Variants in ADAP1 observed in about 807,000 individuals in gnomAD.
The protein encoded by ADAP1 is ArfGAP with dual PH domains 1.
In ADAP1, 31 loss-of-function variants were observed where a neutral mutation model predicts 54.9. The ratio of observed to expected loss-of-function variants is 0.56; its 90% CI spans 0.42 to 0.76. The LOEUF (loss-of-function observed/expected upper bound fraction) is 0.76. Among genes scored for constraint, ADAP1 ranks in the 30% least tolerant of loss-of-function variants. The probability of loss-of-function intolerance (pLI) is 0.00; values close to 1 mark genes in which losing one functional copy is unlikely to be tolerated. For synonymous variants in ADAP1, 313 were observed against 202.6 expected (o/e 1.55, Z -4.63); for missense variants, 535 against 512.4 (o/e 1.04, Z -0.42).
In ADAP1 at chr7:905,094, C is replaced by T. The variant is rs761464767; in HGVS notation, c.467G>A (p.Arg156Gln). 5.2e-5 allele frequency: 84 copies of T among 1,612,192 alleles called. No homozygotes were observed. The highest frequency in any genetic ancestry group is 3.3e-4 in the Middle Eastern group (2 of 6,082). Reference protein sequence around the residue: ...FLSRKFVLTEREGALKYFNRN... With the variant: ...FLSRKFVLTEQEGALKYFNRN... The stretch of plus-strand genomic sequence containing the variant: ...GTTGAAATACTTCAGAGCACCCTCT[C>T]GTTCTGTCAGCACAAACTTCCGGCT... Residue 156 changes from arginine (R) to glutamine (Q), a missense_variant, in exon 5 of 11, where the codon CGA (arginine) becomes CAA (glutamine). By Grantham distance (43) the Arg-to-Gln change is conservative. Transcript: ENST00000265846.
rs896913023 is a variant in ADAP1, at chr7:898,466, G to A, written c.*455C>T. 8 of 244,398 alleles carry A rather than the reference G, an allele frequency of 3.3e-5. No homozygotes were observed. The highest frequency in any genetic ancestry group is 3.0e-4 in the East Asian group (3 of 9,996). 15.1% of individuals were successfully genotyped at this position (244,398 alleles called of 1,614,324 possible). ...CACAACAGGCGCTCAATAAATAGTC[G>A]TGGAGGTGGGGGGAGGGCGGGGCGG... On this transcript the variant is annotated 3_prime_UTR_variant, in exon 11 of 11. Coordinates refer to ENST00000265846, the MANE Select transcript of ADAP1 (RefSeq NM_006869.4).
chr7:954,501 G>C lies in ADAP1; in HGVS notation c.-24C>G. The C allele has an allele frequency of 9.9e-7, 1 of 1,014,720 alleles. No homozygotes were observed. Among genetic ancestry groups the C allele is most frequent in the Non-Finnish European group, 1.2e-6 (1 of 851,308 alleles). 62.9% of individuals were successfully genotyped at this position (1,014,720 alleles called of 1,614,324 possible). A position where few individuals can be genotyped will look rare whatever the true frequency, so the allele number is the denominator to read the frequency against. ...ATGGCCGCGATGCGCCCGCGATGCC[G>C]ATGCCGGGGCCGGGGCCGGGAGCGT... On this transcript the variant is annotated 5_prime_UTR_variant, in exon 1 of 11. It adds an upstream start codon to the 5' untranslated region. Coordinates refer to ENST00000265846, the MANE Select transcript of ADAP1 (RefSeq NM_006869.4).
At chr7:905,276 G>GA in intron 4 of ADAP1, 104 bp from the exon 5 acceptor site, 1 of 417,218 alleles carries the variant, frequency 2.4e-6, no homozygotes, top group Non-Finnish European at 3.9e-6. Flanking sequence ...AAGACACGGG[G>GA]GACACGGACG....
intron 4 of ADAP1, among the ~76,000 whole-genome samples, chr7:914,185 C>T (rs1384011481): frequency 1.3e-5 from 2 of 152,232 alleles, no homozygotes; most frequent in African/African-American, 4.8e-5. Flanking sequence ...CCAGGGCAGA[C>T]CTGCAGCCAC....
At chr7:903,955 G>C (rs1055352771) in intron 6 of ADAP1, 171 bp downstream of exon 6, 1 of 836,318 alleles carries the variant, frequency 1.2e-6, no homozygotes, top group Non-Finnish European at 1.8e-6. Context: ...ACTCCCACAC[G>C]TCCAAGCACC....
At chr7:906,874 T>G (rs369202796) in intron 4 of ADAP1, among the ~76,000 whole-genome samples, 11 of 129,904 alleles carry the variant, frequency 8.5e-5, no homozygotes, top group African/African-American at 2.9e-4. Flanking sequence ...CCAGCGCTGT[T>G]GGCTGCAACC....
chr7:899,776 G>A (rs1047907099), intron 8 of ADAP1, among the ~76,000 whole-genome samples: 1 of 151,162 alleles, frequency 6.6e-6, no homozygotes, highest in Non-Finnish European at 1.5e-5. Flanking sequence ...TTCTCCTCCG[G>A]GACCACCAAG....
Position 920,187 on chromosome 7 carries a change from C to T in ADAP1, c.306-137G>A. 1.5e-6 allele frequency: 1 copy of T among 672,018 alleles called. No individual in the cohort carries two copies. The allele number at this position is 672,018 out of a possible 1,614,324, so 41.6% of individuals were successfully genotyped here. A position where few individuals can be genotyped will look rare whatever the true frequency, so the allele number is the denominator to read the frequency against. On this transcript the variant is annotated intron_variant, in intron 3 of 10. Coordinates refer to ENST00000265846, the MANE Select transcript of ADAP1 (RefSeq NM_006869.4). The surrounding 1 kb of genome is among the most constrained non-coding windows in gnomAD (Gnocchi z 4.5). ...CAGACTCGAGCCGCCCCTCTGGGCA[C>T]AAGATCCCGGAAGAAATGCAGGGTC...
At chr7:899,519 C>T (rs1844676065) in intron 8 of ADAP1, 29 bp from the exon 9 acceptor site, 2 of 1,606,476 alleles carry the variant, frequency 1.2e-6, no homozygotes, top group Non-Finnish European at 1.7e-6. Context: ...CCGTGACCGG[C>T]AGGTCGCCGA....
intron 1 of ADAP1, among the ~76,000 whole-genome samples, chr7:942,337 GGAGGAAGGGAGAGAGGAA>G (rs1846962654): frequency 1.4e-5 from 2 of 139,436 alleles, no homozygotes; most frequent in East Asian, 2.0e-4. Context: ...GGAGAGAGGA[GGAGGAAGGGAGAGAGGAA>G]GAGGAAGAGA....
At position 924,674 on chromosome 7, in the gene ADAP1, C is replaced by T. The variant is rs548338002; in HGVS notation, c.305+1879G>A. 1.8e-4 allele frequency among the ~76,000 whole-genome samples: 27 copies of T among 150,972 alleles called. No individual in the cohort carries two copies. In the South Asian group the frequency reaches 4.2e-3, roughly 24 times the overall value. On this transcript the variant is annotated intron_variant, in intron 3 of 10. Transcript: ENST00000265846. ...CCCCACCCCAGATAGTGGGTGTCAG[C>T]CCTGGGAGTCTCCTCACCCAGGACC...
intron 1 of ADAP1, among the ~76,000 whole-genome samples, chr7:939,589 G>T (rs1037314430): frequency 6.6e-6 from 1 of 151,760 alleles, no homozygotes; most frequent in Non-Finnish European, 1.5e-5. Flanking sequence ...CCAGCACTTC[G>T]GGAGGCCAAG....
chr7:908,808 G>C (rs1460165262), intron 4 of ADAP1, among the ~76,000 whole-genome samples: 1 of 152,232 alleles, frequency 6.6e-6, no homozygotes, highest in Non-Finnish European at 1.5e-5. Flanking sequence ...ACCCCGGGGA[G>C]CCTCCAAGGC....
intron 6 of ADAP1, 132 bp from the exon 7 acceptor site, chr7:900,748 G>T: frequency 1.3e-6 from 1 of 766,866 alleles, no homozygotes; most frequent in African/African-American, 1.8e-5. Context: ...CGGCACCTCA[G>T]CTCCCAGCAG....
chr7:903,431 G>A (rs1282041250), intron 6 of ADAP1, among the ~76,000 whole-genome samples: 1 of 152,154 alleles, frequency 6.6e-6, no homozygotes, highest in South Asian at 2.1e-4. Context: ...TTCCCAACGG[G>A]GGTTAGGAGG....
chr7:908,799 C>T (rs1442564584), intron 4 of ADAP1, among the ~76,000 whole-genome samples: 1 of 152,238 alleles, frequency 6.6e-6, no homozygotes, highest in Non-Finnish European at 1.5e-5. Context: ...CTTGTGTGCA[C>T]CCCGGGGAGC....
intron 1 of ADAP1, among the ~76,000 whole-genome samples, chr7:941,941 A>C (rs1846948952): frequency 1.3e-5 from 2 of 152,270 alleles, no homozygotes; most frequent in South Asian, 4.1e-4. Flanking sequence ...GTTGGCACAA[A>C]AACGGATAAA....
chr7:936,703 T>C (rs1846770123), intron 1 of ADAP1, among the ~76,000 whole-genome samples: 1 of 152,224 alleles, frequency 6.6e-6, no homozygotes, highest in Non-Finnish European at 1.5e-5. Flanking sequence ...ACAGTCTCTC[T>C]GGGGGAGATG....
chr7:927,595 G>C, intron 2 of ADAP1: 1 of 425,138 alleles, frequency 2.4e-6, no homozygotes, highest in Admixed American at 2.9e-5. Context: ...CAGAAGAGCA[G>C]CTGGAGAAAT....
Sources: allele counts gnomAD v4.1 joint callset (sites outside exome capture counted in the v4.1 genomes callset), GRCh38; gene constraint gnomAD v4.1.1; non-coding constraint Gnocchi (gnomAD v3.1); transcripts MANE v1.5; gene names NCBI Gene and HGNC (gene_info 2026-07-23, HGNC 2026-07-21).